Variants in SHLD1 observed in about 807,000 individuals in gnomAD.
The protein encoded by SHLD1 is RINN1-REV7-interacting novel NHEJ regulator 3.
Under a neutral mutation model 5.5 loss-of-function variants are expected in SHLD1, and 3 were observed. The observed-to-expected ratio is 0.54, with a 90% CI of 0.25 to 1.40. The LOEUF (loss-of-function observed/expected upper bound fraction) is 1.40. Among genes scored for constraint, SHLD1 ranks in the 40% most tolerant of loss-of-function variants. SHLD1 has a pLI of 0.15. For missense variants in SHLD1, 210 were observed against 244.4 expected (o/e 0.86, Z 0.94); for synonymous variants, 92 against 94.3 (o/e 0.98, Z 0.14).
chr20:5,789,910 A>G (rs1023634355), intron 2 of SHLD1, among the ~76,000 whole-genome samples: 1 of 152,158 alleles, frequency 6.6e-6, no homozygotes, highest in Admixed American at 6.5e-5. Context: ...CTGACAGATT[A>G]TCTATCCAAC....
intron 2 of SHLD1, among the ~76,000 whole-genome samples, chr20:5,827,050 C>G (rs1430166805): frequency 2.0e-5 from 3 of 152,232 alleles, no homozygotes; most frequent in East Asian, 1.9e-4. Flanking sequence ...AGCTCAAGTC[C>G]TGGTGGAGAA....
intron 2 of SHLD1, among the ~76,000 whole-genome samples, chr20:5,820,116 T>A (rs1011300841): frequency 1.3e-5 from 2 of 151,790 alleles, no homozygotes; most frequent in African/African-American, 4.8e-5. Context: ...CCTGGCTGAT[T>A]TTTCTATTTT....
intron 2 of SHLD1, among the ~76,000 whole-genome samples, chr20:5,840,186 TG>T (rs1281390378): frequency 6.6e-6 from 1 of 152,254 alleles, no homozygotes; most frequent in Non-Finnish European, 1.5e-5. Flanking sequence ...TTCTTGAGTT[TG>T]AATCCTGGCT....
intron 1 of SHLD1, among the ~76,000 whole-genome samples, chr20:5,766,951 G>A (rs1413890006): frequency 1.3e-5 from 2 of 151,954 alleles, no homozygotes; most frequent in East Asian, 3.9e-4. Context: ...GATCTTTGAA[G>A]TTCTGACTGT....
intron 1 of SHLD1, among the ~76,000 whole-genome samples, chr20:5,764,768 G>A (rs187927201): frequency 5.5e-4 from 84 of 152,270 alleles, no homozygotes; most frequent in African/African-American, 2.0e-3. Context: ...TAGATGGATC[G>A]TTGTGTGATG....
rs2088198715 is a variant in SHLD1 at position 5,864,093 on chromosome 20, A to G, written c.*630A>G. Reference sequence around the variant, plus strand: ...CCTAAAATAATATAAAGATTGAAATACAGTTGAGAAAAGTATATCACATCT... The same window carrying G: ...CCTAAAATAATATAAAGATTGAAATGCAGTTGAGAAAAGTATATCACATCT... On this transcript the variant is annotated 3_prime_UTR_variant, in exon 3 of 3. Transcript: ENST00000303142. Among the ~76,000 whole-genome samples the G allele has an allele frequency of 6.6e-6, 1 of 152,186 alleles. No individual in the cohort carries two copies. Among genetic ancestry groups the G allele is most frequent in the Admixed American group, 6.5e-5 (1 of 15,286 alleles).
chr20:5,762,015 G>C (rs1984495293), intron 1 of SHLD1, among the ~76,000 whole-genome samples: 1 of 151,604 alleles, frequency 6.6e-6, no homozygotes, highest in Non-Finnish European at 1.5e-5. Flanking sequence ...ACTTTGGGAG[G>C]CTGAGGCAGG....
chr20:5,764,948 G>A (rs1009982254), intron 1 of SHLD1: 1 of 152,158 alleles, frequency 6.6e-6, no homozygotes. Flanking sequence ...AATCTGTAGA[G>A]TAATAGAAGA....
chr20:5,860,500 G>A (rs1422541977), intron 2 of SHLD1, among the ~76,000 whole-genome samples: 1 of 152,110 alleles, frequency 6.6e-6, no homozygotes, highest in Admixed American at 6.5e-5. Context: ...TAACAGTGAT[G>A]CATTACTACC....
At position 5,813,313 on chromosome 20, in the gene SHLD1, C is replaced by T. The variant is rs189824627; in HGVS notation, c.178+40270C>T. Among the ~76,000 whole-genome samples, 601 of 152,102 alleles carry T rather than the reference C, an allele frequency of 4.0e-3. 2 individuals are homozygous for T. Among genetic ancestry groups the T allele is most frequent in the African/African-American group, 0.014 (570 of 41,514 alleles). The stretch of plus-strand genomic sequence containing the variant: ...AACCAGCCTGACCAACGTGGTGAAA[C>T]CCTGTCTCTACTAAAAATACAAAAA... On this transcript the variant is annotated intron_variant, in intron 2 of 2. Transcript: ENST00000303142.
intron 2 of SHLD1, among the ~76,000 whole-genome samples, chr20:5,818,262 G>A (rs905367510): frequency 2.6e-5 from 4 of 151,968 alleles, no homozygotes; most frequent in Non-Finnish European, 5.9e-5. Context: ...TTTTAGTAGA[G>A]ATGGGGTTTC....
intron 2 of SHLD1, among the ~76,000 whole-genome samples, chr20:5,846,818 A>G (rs2087938003): frequency 6.6e-6 from 1 of 152,234 alleles, no homozygotes; most frequent in Non-Finnish European, 1.5e-5. Flanking sequence ...TTTTCTAGCT[A>G]TAAAGTGTTA....
At position 5,757,071 on chromosome 20, in the gene SHLD1, C is replaced by CTTTTTTTTT. The variant is rs753877287; in HGVS notation, c.-5+6603_-5+6611dup. On this transcript the variant is annotated intron_variant, in intron 1 of 2. Coordinates refer to ENST00000303142, the MANE Select transcript of SHLD1 (RefSeq NM_152504.4). ...TTTCTTTTTCTTTTTTTCTTTCTTT[C>CTTTTTTTTT]TTTTTTTTTTTTTTTTTTTGAGACA... Among the ~76,000 whole-genome samples the CTTTTTTTTT allele has an allele frequency of 2.4e-4, 30 of 123,202 alleles. 1 individual carries two copies. The highest frequency in any genetic ancestry group is 3.6e-4 in the Non-Finnish European group (21 of 58,286). 80.8% of individuals were successfully genotyped at this position (123,202 alleles called of 152,430 possible).
intron 2 of SHLD1, among the ~76,000 whole-genome samples, chr20:5,827,184 G>T (rs756707795): frequency 6.6e-6 from 1 of 152,216 alleles, no homozygotes; most frequent in Non-Finnish European, 1.5e-5. Flanking sequence ...CCATGAGAGC[G>T]TGTGCTCGCA....
chr20:5,751,015 G>T (rs1983716894), intron 1 of SHLD1, among the ~76,000 whole-genome samples: 1 of 151,984 alleles, frequency 6.6e-6, no homozygotes, highest in African/African-American at 2.4e-5. Flanking sequence ...AATAATAAAG[G>T]GTAACATTAA....
At chr20:5,840,322 A>AT (rs1010348451) in intron 2 of SHLD1, among the ~76,000 whole-genome samples, 17 of 149,704 alleles carry the variant, frequency 1.1e-4, no homozygotes, top group Middle Eastern at 3.5e-3. Flanking sequence ...TTTTAGCTTG[A>AT]TTTTTTTTTT....
At chr20:5,795,135 G>A (rs2087192966) in intron 2 of SHLD1, among the ~76,000 whole-genome samples, 1 of 151,352 alleles carries the variant, frequency 6.6e-6, no homozygotes, top group Non-Finnish European at 1.5e-5. Flanking sequence ...GCTACTCGGG[G>A]GGCTGAGGCA....
intron 2 of SHLD1, among the ~76,000 whole-genome samples, chr20:5,824,663 C>T (rs1234051960): frequency 6.6e-6 from 1 of 150,636 alleles, no homozygotes; most frequent in African/African-American, 2.4e-5. Flanking sequence ...GGCTCCCAAC[C>T]TCAACTTCAG....
Position 5,863,429 on chromosome 20 carries a change from T to C in SHLD1, c.584T>C (p.Phe195Ser). Residue 195 changes from phenylalanine to serine, a missense_variant, in exon 3 of 3, where the codon TTC becomes TCC. Physicochemically the swap from Phe to Ser is radical, Grantham distance 155 (BLOSUM62 -2). Transcript: ENST00000303142. Reference sequence around the variant, plus strand: ...GGACTGTCAAAGGATATTACTCATTTCCTCTTGCAGCAGAATGTAATGAAA... The same window carrying C: ...GGACTGTCAAAGGATATTACTCATTCCCTCTTGCAGCAGAATGTAATGAAA... The part of the protein sequence containing the change: ...NPGLSKDITH[F>S]LLQQNVMKDL The C allele has an allele frequency of 1.9e-6, 3 of 1,610,034 alleles. No individual in the cohort carries two copies. The highest frequency in any genetic ancestry group is 2.5e-6 in the Non-Finnish European group (3 of 1,178,172).
Sources: allele counts gnomAD v4.1 joint callset (sites outside exome capture counted in the v4.1 genomes callset), GRCh38; gene constraint gnomAD v4.1.1; transcripts MANE v1.5; gene names NCBI Gene and HGNC (gene_info 2026-07-23, HGNC 2026-07-21).